AKAP9: variants seen among roughly 807,000 people sequenced by gnomAD.
The protein encoded by AKAP9 is A-kinase anchor protein 9.
Under a neutral mutation model 488.5 loss-of-function variants are expected in AKAP9, and 311 were observed. That is an observed-to-expected ratio of 0.64 (90% CI 0.58 to 0.70). AKAP9 has a LOEUF of 0.70. AKAP9 is among the 30% of genes least tolerant of loss of function. The probability of loss-of-function intolerance (pLI) is 0.00; values close to 1 mark genes in which losing one functional copy is unlikely to be tolerated. For synonymous variants in AKAP9, 1,462 were observed against 1,483.5 expected, an observed-to-expected ratio of 0.99 and a Z score of 0.33; for missense variants, 4,215 against 4,374.5, an observed-to-expected ratio of 0.96 and a Z score of 1.03.
intron 3 of AKAP9, among the ~76,000 whole-genome samples, chr7:91,983,713 A>G (rs1003249398): frequency 6.6e-6 from 1 of 152,222 alleles, no homozygotes; most frequent in African/African-American, 2.4e-5. Context: ...GGTTTCACCA[A>G]CTGTCTTCCA....
At chr7:92,068,153 G>T (rs978005007) in intron 26 of AKAP9, among the ~76,000 whole-genome samples, 2 of 151,724 alleles carry the variant, frequency 1.3e-5, no homozygotes, top group African/African-American at 4.8e-5. Flanking sequence ...GAGGTCAGGA[G>T]ATCGTGACCA....
chr7:91,973,845 G>A lies in AKAP9; in HGVS notation c.183G>A (p.Gln61=), dbSNP rs769670110. ...ATGATTTGAATATTGATCAATCACA[G>A]TGTAATGAAATGTACATAAATAGTT... ...AHHDLNIDQS[Q]CNEMYINSSQ... The change falls in exon 2 of 50, where the codon CAG becomes CAA. Residue 61 remains glutamine, a synonymous_variant. Coordinates refer to ENST00000356239, the MANE Select transcript of AKAP9 (RefSeq NM_005751.5). The A allele has an allele frequency of 1.2e-5, 20 of 1,613,928 alleles. No individual in the cohort carries two copies. Among genetic ancestry groups the A allele is most frequent in the Non-Finnish European group, 1.7e-5 (20 of 1,180,006 alleles).
chr7:92,102,457 C>CTAT (rs1283549086), intron 45 of AKAP9, 137 bp from the exon 46 acceptor site: 4 of 435,432 alleles, frequency 9.2e-6, no homozygotes, highest in Non-Finnish European at 1.7e-5. Context: ...ATTACTACTA[C>CTAT]TACTACTACT....
Position 91,941,085 on chromosome 7 carries a change from T to G in AKAP9, c.-15T>G. 1 of 1,613,356 alleles carries G rather than the reference T, an allele frequency of 6.2e-7. No homozygotes were observed. Among genetic ancestry groups the G allele is most frequent in the Non-Finnish European group, 8.5e-7 (1 of 1,179,282 alleles). On this transcript the variant is annotated 5_prime_UTR_variant, in exon 1 of 50. Coordinates refer to ENST00000356239, the MANE Select transcript of AKAP9 (RefSeq NM_005751.5). ...CCCTCAACCCCTGTTTTCCCCTGCC[T>G]TCCTTGCAGAGGCCATGGAGGACGA...
At position 92,038,419 on chromosome 7, in the gene AKAP9, G is replaced by A. The variant is rs1166160403; in HGVS notation, c.4339G>A (p.Val1447Ile). The change falls in exon 17 of 50, where the codon GTT becomes ATT. Residue 1447 changes from valine to isoleucine, a missense_variant and splice_region_variant. Transcript: ENST00000356239. ...TTATTGTTTGCTTTTATTTCTTTAGGTTATTGTGTCAATGAGTATAGCATT... is the reference window on the plus strand; with the variant it reads ...TTATTGTTTGCTTTTATTTCTTTAGATTATTGTGTCAATGAGTATAGCATT... ...QEQLEEEVAK[V>I]IVSMSIAFAQ... is the part of the protein sequence containing the mutation. 6.2e-7 allele frequency: 1 copy of A among 1,606,316 alleles called. No homozygotes were observed. The highest frequency in any genetic ancestry group is 1.3e-5 in the African/African-American group (1 of 74,706).
At position 92,101,197 on chromosome 7, in the gene AKAP9, G is replaced by A. The variant is rs1338175619; in HGVS notation, c.11097+141G>A. ...CACGCCTATAGTCCCAGCACTTTGG[G>A]AGGCCGAGATGGGCAGATCACGAGG... On this transcript the variant is annotated intron_variant, in intron 45 of 49. Coordinates refer to ENST00000356239, the MANE Select transcript of AKAP9 (RefSeq NM_005751.5). The A allele has an allele frequency of 9.1e-6, 7 of 768,948 alleles. No homozygotes were observed. In the African/African-American group the frequency reaches 1.1e-4, roughly 12 times the overall value. 47.6% of individuals were successfully genotyped at this position (768,948 alleles called of 1,614,324 possible). A position where few individuals can be genotyped will look rare whatever the true frequency, so the allele number is the denominator to read the frequency against.
chr7:92,103,387 CAAAAAAAAAAAAA>C (rs898565298), intron 46 of AKAP9, among the ~76,000 whole-genome samples: 67 of 25,926 alleles, frequency 2.6e-3, no homozygotes, highest in Admixed American at 0.019. Flanking sequence ...GAGACTCTGT[CAAAAAAAAAAAAA>C]AAAAAAAAAA....
intron 16 of AKAP9, 147 bp from the exon 17 acceptor site, chr7:92,038,272 T>C (rs1805510689): frequency 1.8e-6 from 1 of 563,898 alleles, no homozygotes; most frequent in Non-Finnish European, 3.1e-6. Flanking sequence ...TCCATCTCGG[T>C]ATTACTTTAT....
At chr7:91,966,645 G>C (rs544404243) in intron 1 of AKAP9, among the ~76,000 whole-genome samples, 2 of 152,316 alleles carry the variant, frequency 1.3e-5, no homozygotes, top group South Asian at 4.1e-4. Context: ...TGAGTTGACT[G>C]TAAGTGTGTG....
chr7:91,959,616 A>T (rs1793485146), intron 1 of AKAP9, among the ~76,000 whole-genome samples: 1 of 152,206 alleles, frequency 6.6e-6, no homozygotes, highest in African/African-American at 2.4e-5. Flanking sequence ...ATTTGTGTCT[A>T]CTATGTGGCA....
chr7:92,046,295 G>A (rs1446085282), intron 21 of AKAP9, among the ~76,000 whole-genome samples: 2 of 152,180 alleles, frequency 1.3e-5, no homozygotes, highest in Non-Finnish European at 2.9e-5. Flanking sequence ...ACAAGATCAA[G>A]CCCACAGTTC....
intron 1 of AKAP9, among the ~76,000 whole-genome samples, chr7:91,942,456 G>T (rs1790888550): frequency 6.6e-6 from 1 of 152,114 alleles, no homozygotes; most frequent in African/African-American, 2.4e-5. Flanking sequence ...GGGGAATCAG[G>T]GTATCTTTAG....
At chr7:91,983,169 T>C (rs1178354117) in intron 3 of AKAP9, among the ~76,000 whole-genome samples, 1 of 152,086 alleles carries the variant, frequency 6.6e-6, no homozygotes, top group Non-Finnish European at 1.5e-5. Flanking sequence ...CGTCATTTCA[T>C]TTGGTATACC....
intron 1 of AKAP9, among the ~76,000 whole-genome samples, chr7:91,972,048 T>C (rs181735327): frequency 2.0e-5 from 3 of 148,634 alleles, no homozygotes; most frequent in African/African-American, 7.4e-5. Flanking sequence ...ATATAATGTA[T>C]ATGATGTCTT....
chr7:92,083,473 A>T lies in AKAP9; in HGVS notation c.8464A>T (p.Ser2822Cys). The T allele has an allele frequency of 6.2e-7, 1 of 1,613,692 alleles. No homozygotes were observed. Among genetic ancestry groups the T allele is most frequent in the Non-Finnish European group, 8.5e-7 (1 of 1,179,808 alleles). The change falls in exon 33 of 50, where the codon AGT becomes TGT. Residue 2822 changes from serine to cysteine, a missense_variant. Physicochemically the swap from Ser to Cys is moderately radical, Grantham distance 112 (BLOSUM62 -1). Coordinates refer to ENST00000356239, the MANE Select transcript of AKAP9 (RefSeq NM_005751.5). ...CTCAGAAGAAGTTACTGAAATAATC[A>T]GTCAGTTTACTGAAAAAATTGAGAA... ...CSSEEVTEII[S>C]QFTEKIEKMQ...
At chr7:91,986,362 G>A (rs575928099) in intron 3 of AKAP9, among the ~76,000 whole-genome samples, 55 of 152,262 alleles carry the variant, frequency 3.6e-4, no homozygotes, top group Non-Finnish European at 6.0e-4. Context: ...TGGGTGAGGC[G>A]ATGCCCTGCC....
intron 45 of AKAP9, among the ~76,000 whole-genome samples, chr7:92,102,261 G>A (rs1817662827): frequency 1.3e-5 from 2 of 150,558 alleles, no homozygotes; most frequent in South Asian, 4.2e-4. Context: ...AAATTGGGAT[G>A]ACAAAAATAT....
chr7:92,090,665 A>T (rs1389475580), intron 38 of AKAP9: 1 of 152,134 alleles, frequency 6.6e-6, no homozygotes, highest in African/African-American at 2.4e-5. Flanking sequence ...AGATACTCCA[A>T]AATTAATATA....
In AKAP9 at chr7:92,001,066, T is replaced by C. The variant is rs1286032853; in HGVS notation, c.1149T>C (p.Ser383=). Residue 383 remains serine, a synonymous_variant, in exon 8 of 50, where the codon TCT becomes TCC. Transcript: ENST00000356239. ...ACATGAAATTAGAGCTGACTAATTC[T>C]AAGCAAAAAGAAAGACAGTCTTCTG... ...IKNMKLELTN[S]KQKERQSSEE... is the part of the protein sequence containing the mutation. 2 of 1,612,334 alleles carry C rather than the reference T, an allele frequency of 1.2e-6. No homozygotes were observed. The highest frequency in any genetic ancestry group is 2.7e-5 in the African/African-American group (2 of 74,826).
Sources: gnomAD v4.1 joint callset for allele counts (sites outside exome capture counted in the v4.1 genomes callset) on GRCh38, gnomAD v4.1.1 for gene constraint, MANE v1.5 for transcripts, NCBI Gene and HGNC (gene_info 2026-07-23, HGNC 2026-07-21) for gene names.